Variants in SUGCT observed in about 807,000 individuals in gnomAD.
SUGCT encodes the protein succinyl-CoA:glutarate-CoA transferase.
SUGCT carries 41 observed loss-of-function variants against 55.0 expected under a neutral mutation model. The observed-to-expected ratio is 0.74, with a 90% CI of 0.58 to 0.97. The LOEUF is 0.97. Among genes scored for constraint, SUGCT ranks in the 50% least tolerant of loss-of-function variants. The probability of loss-of-function intolerance (pLI) is 0.00; values close to 1 mark genes in which losing one functional copy is unlikely to be tolerated. For synonymous variants in SUGCT, 187 were observed against 200.4 expected, an observed-to-expected ratio of 0.93 and a Z score of 0.56; for missense variants, 568 against 547.8, an observed-to-expected ratio of 1.04 and a Z score of -0.37.
At chr7:40,174,020 A>AT (rs1425448159) in intron 1 of SUGCT, among the ~76,000 whole-genome samples, 6 of 146,954 alleles carry the variant, frequency 4.1e-5, no homozygotes, top group African/African-American at 1.0e-4. Context: ...GGCTCACTGT[A>AT]TTTTTTTTGT....
chr7:40,574,702 G>C (rs1001416042), intron 12 of SUGCT, among the ~76,000 whole-genome samples: 8 of 152,048 alleles, frequency 5.3e-5, no homozygotes, highest in African/African-American at 1.9e-4. Context: ...AAAGTATTGG[G>C]ATTACAGGCG....
Position 40,189,586 on chromosome 7 carries a change from A to T in SUGCT, c.355A>T (p.Ile119Phe). ...NIKDPKGVKI[I>F]KELAAVCDVF... Reference sequence around the variant, plus strand: ...CAAGGATCCAAAAGGGGTGAAAATCATCAAAGAGGTACAGTATGATGTATA... The same window carrying T: ...CAAGGATCCAAAAGGGGTGAAAATCTTCAAAGAGGTACAGTATGATGTATA... Residue 119 changes from isoleucine to phenylalanine, a missense_variant, in exon 5 of 14, where the codon ATC (isoleucine) becomes TTC (phenylalanine). Physicochemically the swap from Ile to Phe is conservative, Grantham distance 21. Transcript: ENST00000335693. 1 of 1,414,096 alleles carries T rather than the reference A, an allele frequency of 7.1e-7. No individual in the cohort carries two copies. The highest frequency in any genetic ancestry group is 9.4e-7 in the Non-Finnish European group (1 of 1,061,330). 87.6% of individuals were successfully genotyped at this position (1,414,096 alleles called of 1,614,324 possible).
Position 40,637,544 on chromosome 7 carries a change from C to T in SUGCT, c.1090-111890C>T, listed in dbSNP as rs115369634. 4.0e-3 allele frequency among the ~76,000 whole-genome samples: 615 copies of T among 152,330 alleles called. 7 individuals carry two copies. The highest frequency in any genetic ancestry group is 0.014 in the African/African-American group (571 of 41,574). The stretch of plus-strand genomic sequence containing the variant: ...TTGATATTTGTTGTTAATTCTTTAA[C>T]ATCAGATCCTAGTCAGCAAACTACT... On this transcript the variant is annotated intron_variant, in intron 12 of 13. Transcript: ENST00000335693.
At chr7:41,018,769 T>C in the SUGCT span, among the ~76,000 whole-genome samples, 1 of 152,374 alleles carries the variant, frequency 6.6e-6, no homozygotes, top group East Asian at 1.9e-4. Context: ...CATTAACTAT[T>C]CTGCAATATT....
chr7:40,705,518 A>T (rs1389133802), intron 12 of SUGCT, among the ~76,000 whole-genome samples: 2 of 134,790 alleles, frequency 1.5e-5, no homozygotes, highest in Non-Finnish European at 3.2e-5. Context: ...TTTGTTTTAC[A>T]AATCCCATTT....
intron 6 of SUGCT, among the ~76,000 whole-genome samples, chr7:40,220,161 C>T (rs1306574562): frequency 1.3e-5 from 2 of 152,012 alleles, no homozygotes; most frequent in Non-Finnish European, 2.9e-5. Context: ...AGTGTTTTTC[C>T]CCACTTTGGC....
intron 12 of SUGCT, among the ~76,000 whole-genome samples, chr7:40,703,359 T>C (rs965772856): frequency 1.3e-5 from 2 of 152,090 alleles, no homozygotes; most frequent in Admixed American, 1.3e-4. Context: ...TTTGAACAGA[T>C]TTTTCCTGGA....
At position 40,364,835 on chromosome 7, in the gene SUGCT, A is replaced by C. The variant is rs949661491; in HGVS notation, c.816+47980A>C. Among the ~76,000 whole-genome samples the C allele has an allele frequency of 9.0e-4, 137 of 152,122 alleles. 6 individuals carry two copies. The highest frequency in any genetic ancestry group is 2.9e-4 in the Non-Finnish European group (20 of 68,002). On this transcript the variant is annotated intron_variant, in intron 9 of 13. Transcript: ENST00000335693. ...CACAGCCGAATTCTACCAGAGGTAC[A>C]AGGAGGAACTGGTACCATTCCTTCT...
At chr7:40,494,071 C>T (rs1791843869) in intron 11 of SUGCT, among the ~76,000 whole-genome samples, 1 of 152,130 alleles carries the variant, frequency 6.6e-6, no homozygotes, top group African/African-American at 2.4e-5. Context: ...TCTCTTTTGC[C>T]CAGTGGTGAA....
At chr7:40,544,885 C>T (rs1195294901) in intron 12 of SUGCT, among the ~76,000 whole-genome samples, 1 of 152,142 alleles carries the variant, frequency 6.6e-6, no homozygotes, top group African/African-American at 2.4e-5. Context: ...TGGTCTATTT[C>T]CCATTTGAGA....
At chr7:40,707,586 A>G (rs1785491237) in intron 12 of SUGCT, among the ~76,000 whole-genome samples, 1 of 152,212 alleles carries the variant, frequency 6.6e-6, no homozygotes, top group Non-Finnish European at 1.5e-5. Flanking sequence ...ATGGAACACA[A>G]ATGTTTTTTG....
chr7:40,135,750 G>A (rs542866612), intron 1 of SUGCT, among the ~76,000 whole-genome samples: 2 of 151,822 alleles, frequency 1.3e-5, no homozygotes, highest in South Asian at 4.1e-4. Context: ...TCCTCCTCCC[G>A]TGTTCAGGAG....
At chr7:40,806,340 G>A (rs898285110) in intron 13 of SUGCT, among the ~76,000 whole-genome samples, 4 of 151,964 alleles carry the variant, frequency 2.6e-5, no homozygotes, top group African/African-American at 9.7e-5. Context: ...CTTTTATCTT[G>A]TTCATATTTA....
Position 40,388,707 on chromosome 7 carries a change from C to T in SUGCT, c.817-60580C>T, listed in dbSNP as rs377474321. On this transcript the variant is annotated intron_variant, in intron 9 of 13. Transcript: ENST00000335693. ...CCAGGATTACAGGCATGAGCCACTG[C>T]GCCCGGGCAGAACATTTTAACATTT... Among the ~76,000 whole-genome samples, 5 of 152,264 alleles carry T rather than the reference C, an allele frequency of 3.3e-5. No homozygotes were observed. The East Asian group carries it at 5.8e-4, about 18-fold the overall frequency.
At position 40,272,189 on chromosome 7, in the gene SUGCT, T is replaced by C. The variant is rs1426472305; in HGVS notation, c.577-2324T>C. Among the ~76,000 whole-genome samples the C allele has an allele frequency of 4.1e-3, 293 of 72,084 alleles. 8 individuals carry two copies. Among genetic ancestry groups the C allele is most frequent in the African/African-American group, 9.2e-3 (161 of 17,466 alleles). The allele number at this position is 72,084 out of a possible 152,430, so 47.3% of individuals were successfully genotyped here. A position where few individuals can be genotyped will look rare whatever the true frequency, so the allele number is the denominator to read the frequency against. ...ATATATATATATATATATATATATA[T>C]ATATACAGGGTCTCAGTCTTTTGCC... On this transcript the variant is annotated intron_variant, in intron 7 of 13. Transcript: ENST00000335693.
At chr7:40,806,883 A>T (rs55764442) in intron 13 of SUGCT, among the ~76,000 whole-genome samples, 1 of 152,170 alleles carries the variant, frequency 6.6e-6, no homozygotes, top group Non-Finnish European at 1.5e-5. Context: ...AGGATGCAGC[A>T]TGGTCTCCAT....
chr7:40,256,061 C>T lies in SUGCT; in HGVS notation c.576+18335C>T, dbSNP rs76351958. 6.5e-3 allele frequency among the ~76,000 whole-genome samples: 986 copies of T among 152,240 alleles called. 9 individuals are homozygous for T. Among genetic ancestry groups the T allele is most frequent in the African/African-American group, 0.023 (947 of 41,524 alleles). On this transcript the variant is annotated intron_variant, in intron 7 of 13. Coordinates refer to ENST00000335693, the MANE Select transcript of SUGCT (RefSeq NM_001193313.2). ...GGATCAGGGTTAAATTTATTGTCAT[C>T]TCATGAAATCTAAATTTCTTTAAAT...
At chr7:40,201,508 C>A (rs937421118) in intron 6 of SUGCT, among the ~76,000 whole-genome samples, 2 of 152,062 alleles carry the variant, frequency 1.3e-5, no homozygotes, top group African/African-American at 4.8e-5. Context: ...ATTTTTTCAC[C>A]AGAGTTTCAG....
the SUGCT span, among the ~76,000 whole-genome samples, chr7:40,959,739 G>A: frequency 6.6e-6 from 1 of 151,448 alleles, no homozygotes; most frequent in African/African-American, 2.4e-5. Flanking sequence ...AACTCCTACA[G>A]CTAGCTTGGT....
Sources: gnomAD v4.1 joint callset for allele counts (sites outside exome capture counted in the v4.1 genomes callset) on GRCh38, gnomAD v4.1.1 for gene constraint, MANE v1.5 for transcripts, NCBI Gene and HGNC (gene_info 2026-07-23, HGNC 2026-07-21) for gene names.